HS6ST3: variants seen among roughly 807,000 people sequenced by gnomAD.
The protein encoded by HS6ST3 is heparan-sulfate 6-O-sulfotransferase 3.
A neutral mutation model predicts 36.7 loss-of-function variants in HS6ST3; 12 were observed. The observed-to-expected ratio is 0.33, with a 90% CI of 0.21 to 0.53. The LOEUF (loss-of-function observed/expected upper bound fraction) is 0.53. Among genes scored for constraint, HS6ST3 ranks in the 20% least tolerant of loss-of-function variants. The pLI, the probability that HS6ST3 is intolerant of heterozygous loss-of-function variation, is 0.95. For missense variants in HS6ST3, 584 were observed against 640.9 expected (o/e 0.91, Z 0.96); for synonymous variants, 240 against 257.5 (o/e 0.93, Z 0.65).
At chr13:96,790,947 G>A (rs1435317120) in intron 1 of HS6ST3, among the ~76,000 whole-genome samples, 5 of 151,958 alleles carry the variant, frequency 3.3e-5, no homozygotes, top group African/African-American at 4.8e-5. Flanking sequence ...AAATTCTTTA[G>A]TGTTACAAGA....
rs796385395 is a variant in HS6ST3, at chr13:96,800,298, GT to G, written c.708-32181del. Among the ~76,000 whole-genome samples, 909 of 143,556 alleles carry G rather than the reference GT, an allele frequency of 6.3e-3. 11 individuals carry two copies. Among genetic ancestry groups the G allele is most frequent in the African/African-American group, 0.018 (727 of 39,442 alleles). 94.2% of individuals were successfully genotyped at this position (143,556 alleles called of 152,430 possible). On this transcript the variant is annotated intron_variant, in intron 1 of 1. Coordinates refer to ENST00000376705, the MANE Select transcript of HS6ST3 (RefSeq NM_153456.4). ...CACTTCATTTCTTCTGTCCCTCAGT[GT>G]TTTTTTTTTTAGCACATTGTGCTGC...
At chr13:96,105,215 G>A (rs2053836194) in intron 1 of HS6ST3, among the ~76,000 whole-genome samples, 2 of 152,128 alleles carry the variant, frequency 1.3e-5, no homozygotes, top group African/African-American at 2.4e-5. Context: ...TGATTTGAGA[G>A]ATTGGAGTCG....
chr13:96,301,943 A>G (rs963609472), intron 1 of HS6ST3, among the ~76,000 whole-genome samples: 1 of 144,704 alleles, frequency 6.9e-6, no homozygotes, highest in Non-Finnish European at 1.5e-5. Flanking sequence ...TAATAATAAT[A>G]ATTTCTAAAA....
chr13:96,284,364 C>G (rs2054790209), intron 1 of HS6ST3, among the ~76,000 whole-genome samples: 1 of 152,198 alleles, frequency 6.6e-6, no homozygotes, highest in Non-Finnish European at 1.5e-5. Flanking sequence ...GGGAAGCCGA[C>G]AATGCAGCCT....
At chr13:96,237,710 T>G (rs1451712698) in intron 1 of HS6ST3, among the ~76,000 whole-genome samples, 1 of 152,200 alleles carries the variant, frequency 6.6e-6, no homozygotes, top group African/African-American at 2.4e-5. Flanking sequence ...CTCATCAAGG[T>G]CATGAATGAG....
chr13:96,383,980 C>T (rs1227767200), intron 1 of HS6ST3, among the ~76,000 whole-genome samples: 1 of 152,122 alleles, frequency 6.6e-6, no homozygotes, highest in Non-Finnish European at 1.5e-5. Context: ...TGGCAGATGG[C>T]GGCTCACAAC....
At position 96,594,485 on chromosome 13, in the gene HS6ST3, T is replaced by G. The variant is rs548200447; in HGVS notation, c.708-238005T>G. Among the ~76,000 whole-genome samples, 10 of 152,242 alleles carry G rather than the reference T, an allele frequency of 6.6e-5. No individual in the cohort carries two copies. The South Asian group carries it at 1.2e-3, about 19-fold the overall frequency. On this transcript the variant is annotated intron_variant, in intron 1 of 1. Coordinates refer to ENST00000376705, the MANE Select transcript of HS6ST3 (RefSeq NM_153456.4). ...ATTTTATGTGTATCTACTATAGACC[T>G]TTGCTATATCATTACCATGAGACTT...
At chr13:96,200,395 T>A (rs969063707) in intron 1 of HS6ST3, among the ~76,000 whole-genome samples, 1 of 152,234 alleles carries the variant, frequency 6.6e-6, no homozygotes, top group Non-Finnish European at 1.5e-5. Context: ...CTTAGGACTT[T>A]GCACTGGCAG....
chr13:96,434,095 A>G (rs1051727409), intron 1 of HS6ST3, among the ~76,000 whole-genome samples: 1 of 152,204 alleles, frequency 6.6e-6, no homozygotes, highest in Admixed American at 6.5e-5. Flanking sequence ...TGGAGGGCTC[A>G]GAAGAAATCA....
intron 1 of HS6ST3, among the ~76,000 whole-genome samples, chr13:96,818,778 T>C (rs189555499): frequency 6.6e-6 from 1 of 152,310 alleles, no homozygotes; most frequent in East Asian, 1.9e-4. Context: ...AATTCCAAGC[T>C]CCCACACTAT....
At chr13:96,472,130 A>G (rs1364253419) in intron 1 of HS6ST3, among the ~76,000 whole-genome samples, 1 of 152,226 alleles carries the variant, frequency 6.6e-6, no homozygotes, top group African/African-American at 2.4e-5. Context: ...GGTGAGATGT[A>G]TACTTCATCT....
intron 1 of HS6ST3, among the ~76,000 whole-genome samples, chr13:96,445,334 AG>A (rs959164488): frequency 6.6e-6 from 1 of 152,278 alleles, no homozygotes; most frequent in African/African-American, 2.4e-5. Flanking sequence ...TTTGTATCCA[AG>A]GTATATGACA....
chr13:96,346,340 C>T (rs1168388003), intron 1 of HS6ST3, among the ~76,000 whole-genome samples: 1 of 152,044 alleles, frequency 6.6e-6, no homozygotes, highest in South Asian at 2.1e-4. Flanking sequence ...TTTGGGAGGC[C>T]AAGGTGGGCG....
intron 1 of HS6ST3, among the ~76,000 whole-genome samples, chr13:96,331,801 G>A (rs2055070299): frequency 6.6e-6 from 1 of 152,122 alleles, no homozygotes. Context: ...CTTGCAGTTT[G>A]ATCTCAGACT....
chr13:96,682,636 G>A lies in HS6ST3; in HGVS notation c.708-149854G>A, dbSNP rs540775546. On this transcript the variant is annotated intron_variant, in intron 1 of 1. Transcript: ENST00000376705. ...CTGATACAAAAGAGACTTCATAATAGCACATTTTTTTCATTAAGCTAAAGT... is the reference window on the plus strand; with the variant it reads ...CTGATACAAAAGAGACTTCATAATAACACATTTTTTTCATTAAGCTAAAGT... Among the ~76,000 whole-genome samples the A allele has an allele frequency of 1.1e-4, 16 of 152,222 alleles. 1 individual carries two copies. Among genetic ancestry groups the A allele is most frequent in the Admixed American group, 6.6e-4 (10 of 15,258 alleles).
intron 1 of HS6ST3, among the ~76,000 whole-genome samples, chr13:96,342,420 T>A (rs16953108): frequency 0.014 from 2,179 of 152,320 alleles, 26 homozygotes; most frequent in East Asian, 0.054. Context: ...TGTTGGGAGT[T>A]GAGCTGAATC....
intron 1 of HS6ST3, among the ~76,000 whole-genome samples, chr13:96,668,798 G>T: frequency 7.7e-6 from 1 of 130,120 alleles, no homozygotes. Context: ...AAAGGCAACA[G>T]TTTTTCTATA....
chr13:96,291,006 T>C (rs1326034344), intron 1 of HS6ST3, among the ~76,000 whole-genome samples: 1 of 152,204 alleles, frequency 6.6e-6, no homozygotes, highest in Non-Finnish European at 1.5e-5. Flanking sequence ...CACCATTTAC[T>C]CAGAAGCAAC....
chr13:96,575,575 A>G (rs141475742), intron 1 of HS6ST3, among the ~76,000 whole-genome samples: 531 of 152,332 alleles, frequency 3.5e-3, no homozygotes, highest in African/African-American at 0.012. Context: ...CAGTCCTTTC[A>G]GGACTTTACA....
Sources: gnomAD v4.1 joint callset for allele counts (sites outside exome capture counted in the v4.1 genomes callset) on GRCh38, gnomAD v4.1.1 for gene constraint, MANE v1.5 for transcripts, NCBI Gene and HGNC (gene_info 2026-07-23, HGNC 2026-07-21) for gene names.